The following MACF1 variants were observed in gnomAD, a reference collection of about 807,000 sequenced individuals.
MACF1 encodes the protein microtubule-actin cross-linking factor 1.
Under a neutral mutation model 854.8 loss-of-function variants are expected in MACF1, and 193 were observed. That is an observed-to-expected ratio of 0.23 (90% confidence interval 0.20 to 0.25). The LOEUF is 0.25. Among genes scored for constraint, MACF1 ranks in the 10% least tolerant of loss-of-function variants. MACF1 has a pLI of 1.00. For missense variants in MACF1, 7,722 were observed against 8,929.1 expected, an observed-to-expected ratio of 0.86 and a Z score of 5.45; for synonymous variants, 3,185 against 3,226.7, an observed-to-expected ratio of 0.99 and a Z score of 0.44.
chr1:39,199,321 T>C (rs1012131216), intron 2 of MACF1, among the ~76,000 whole-genome samples: 3 of 150,840 alleles, frequency 2.0e-5, no homozygotes, highest in African/African-American at 4.9e-5. Flanking sequence ...GGATAAAATA[T>C]ATTTATTTGG....
At chr1:39,464,769 C>A in intron 94 of MACF1, 1 of 279,586 alleles carries the variant, frequency 3.6e-6, no homozygotes, top group Non-Finnish European at 7.0e-6. Flanking sequence ...CAAAAATTAG[C>A]TGGGCTTGGT....
chr1:39,234,950 C>T (rs1334658495), intron 2 of MACF1, among the ~76,000 whole-genome samples: 1 of 151,478 alleles, frequency 6.6e-6, no homozygotes, highest in Non-Finnish European at 1.5e-5. Flanking sequence ...GATGTGATGG[C>T]GGCAGGGAAG....
rs540624260 is a variant in MACF1 at position 39,318,622 on chromosome 1, G to A, written c.3945+7G>A. 6.2e-7 allele frequency: 1 copy of A among 1,604,142 alleles called. No homozygotes were observed. The highest frequency in any genetic ancestry group is 1.3e-5 in the African/African-American group (1 of 74,642). The stretch of plus-strand genomic sequence containing the variant: ...GCAGCTCAGCCAGCAGACGGTGAGT[G>A]TGGTAGTAGCTCTGGCGAGAAGAGT... On this transcript the variant is annotated splice_region_variant and intron_variant, in intron 30 of 100. Transcript: ENST00000564288.
At chr1:39,407,671 T>C (rs979570221) in intron 58 of MACF1, among the ~76,000 whole-genome samples, 11 of 152,206 alleles carry the variant, frequency 7.2e-5, no homozygotes, top group African/African-American at 2.7e-4. Flanking sequence ...CTTCTCATTT[T>C]TGCCAAGGAC....
intron 58 of MACF1, among the ~76,000 whole-genome samples, chr1:39,398,838 C>T (rs548880720): frequency 6.6e-6 from 1 of 152,328 alleles, no homozygotes; most frequent in Non-Finnish European, 1.5e-5. Context: ...AATCAATCAG[C>T]TGTGTATCTC....
chr1:39,347,030 T>C lies in MACF1; in HGVS notation c.10635T>C (p.Phe3545=). 6.2e-7 allele frequency: 1 copy of C among 1,614,154 alleles called. No individual in the cohort carries two copies. The highest frequency in any genetic ancestry group is 8.5e-7 in the Non-Finnish European group (1 of 1,180,000). ...AAGCTCAGCTGGATGCTCTTGCTTT[T>C]GATATTCAGTTCTTTATCTCAGAAC... ...ERKAQLDALA[F]DIQFFISEHA... The change falls in exon 41 of 101, where the codon TTT becomes TTC. Residue 3545 remains phenylalanine (F), a synonymous_variant. Coordinates refer to ENST00000564288, the MANE Select transcript of MACF1 (RefSeq NM_001394062.1).
chr1:39,303,811 G>T (rs1646104466), intron 23 of MACF1, among the ~76,000 whole-genome samples: 2 of 151,400 alleles, frequency 1.3e-5, no homozygotes, highest in South Asian at 2.1e-4. Context: ...GGTCGAGTTT[G>T]CAGTGAGTCG....
intron 1 of MACF1, among the ~76,000 whole-genome samples, chr1:39,224,822 G>A (rs1272754511): frequency 6.6e-6 from 1 of 152,188 alleles, no homozygotes; most frequent in Non-Finnish European, 1.5e-5. Context: ...AATTAGGATA[G>A]GTATTGATAG....
intron 1 of MACF1, among the ~76,000 whole-genome samples, chr1:39,214,408 C>G (rs534019815): frequency 6.6e-6 from 1 of 152,290 alleles, no homozygotes; most frequent in East Asian, 1.9e-4. Flanking sequence ...GTTGGACAAA[C>G]AAGCAGGCAG....
intron 2 of MACF1, among the ~76,000 whole-genome samples, chr1:39,148,767 A>G (rs1357635504): frequency 6.6e-6 from 1 of 152,216 alleles, no homozygotes; most frequent in Non-Finnish European, 1.5e-5. Context: ...ACATGTATAT[A>G]TTTGCACACT....
intron 2 of MACF1, among the ~76,000 whole-genome samples, chr1:39,147,940 C>T (rs1643502362): frequency 6.6e-6 from 1 of 152,100 alleles, no homozygotes; most frequent in South Asian, 2.1e-4. Flanking sequence ...TCAGTTTCAC[C>T]CCTTGTTTAT....
chr1:39,397,422 C>T (rs1336597072), intron 58 of MACF1, among the ~76,000 whole-genome samples: 3 of 151,976 alleles, frequency 2.0e-5, no homozygotes, highest in African/African-American at 4.8e-5. Context: ...ATTAGCCGGG[C>T]GTGGTGGCGA....
chr1:39,349,506 A>G lies in MACF1; in HGVS notation c.10844A>G (p.His3615Arg). The G allele has an allele frequency of 6.2e-7, 1 of 1,614,006 alleles. No individual in the cohort carries two copies. The highest frequency in any genetic ancestry group is 2.2e-5 in the East Asian group (1 of 44,882). The change falls in exon 42 of 101, where the codon CAC becomes CGC. Residue 3615 changes from histidine to arginine, a missense_variant. This residue lies in a region of MACF1 where 2,807 missense variants were observed against 3,235.8 expected (regional missense o/e 0.87). Transcript: ENST00000564288. ...CTGCAGAAACAACAAAATACCTGTC[A>G]CCAGCAACTGGAGGATCTTTGCAGT... ...KTLQKQQNTC[H>R]QQLEDLCSWV... is the part of the protein sequence containing the mutation.
chr1:39,143,963 C>T (rs1036795993), intron 2 of MACF1, among the ~76,000 whole-genome samples: 1 of 151,388 alleles, frequency 6.6e-6, no homozygotes, highest in African/African-American at 2.4e-5. Context: ...AATTTTTTTT[C>T]ATTTTTAGTA....
intron 6 of MACF1, among the ~76,000 whole-genome samples, chr1:39,260,858 G>T (rs1645155751): frequency 1.3e-5 from 2 of 151,542 alleles, no homozygotes; most frequent in South Asian, 4.2e-4. Flanking sequence ...TGAAAATCTT[G>T]ATCTTAACAA....
chr1:39,239,308 CAAACAAAA>C (rs1460982414), intron 2 of MACF1, among the ~76,000 whole-genome samples: 1 of 150,344 alleles, frequency 6.7e-6, no homozygotes, highest in African/African-American at 2.5e-5. Context: ...AACAAACAAA[CAAACAAAA>C]AACACCACAA....
At position 39,334,126 on chromosome 1, in the gene MACF1, G is replaced by C. The variant is rs1431604187; in HGVS notation, c.7538G>C (p.Gly2513Ala). 1.2e-6 allele frequency: 2 copies of C among 1,614,088 alleles called. No homozygotes were observed. The highest frequency in any genetic ancestry group is 3.3e-5 in the Admixed American group (2 of 60,012). Residue 2513 changes from glycine to alanine, a missense_variant, in exon 37 of 101, where the codon GGG becomes GCG. Gly to Ala is a moderately conservative substitution (Grantham distance 60). Coordinates refer to ENST00000564288, the MANE Select transcript of MACF1 (RefSeq NM_001394062.1). ...VDGGIIHHIS[G>A]MRLSVDNAFR... is the part of the protein sequence containing the mutation. The stretch of plus-strand genomic sequence containing the variant: ...GGAGGTATCATTCACCATATATCTG[G>C]GATGAGACTTTCTGTTGATAATGCC...
rs1279412053 is a variant in MACF1 at position 39,223,602 on chromosome 1, C to T, written c.110-7580C>T. Among the ~76,000 whole-genome samples the T allele has an allele frequency of 2.0e-5, 3 of 151,880 alleles. No homozygotes were observed. The East Asian group carries it at 5.8e-4, about 29-fold the overall frequency. ...CCATCTTGGCTCACTGTGACCTCCG[C>T]CTCCTGGGTTCAAGTGATCCTCGTG... On this transcript the variant is annotated intron_variant, in intron 1 of 100. Transcript: ENST00000564288.
chr1:39,314,548 T>C lies in MACF1; in HGVS notation c.3271-965T>C, dbSNP rs866838570. 9.3e-4 allele frequency among the ~76,000 whole-genome samples: 117 copies of C among 126,422 alleles called. 1 individual carries two copies. The highest frequency in any genetic ancestry group is 3.1e-3 in the African/African-American group (105 of 34,072). 82.9% of individuals were successfully genotyped at this position (126,422 alleles called of 152,430 possible). A position where few individuals can be genotyped will look rare whatever the true frequency, so the allele number is the denominator to read the frequency against. On this transcript the variant is annotated intron_variant, in intron 26 of 100. Transcript: ENST00000564288. Reference sequence around the variant, plus strand: ...TATTTATTGATCTCTCAATTTCTCTTTCTCTCTCTCTCTCTCTCTCTCACA... The same window carrying C: ...TATTTATTGATCTCTCAATTTCTCTCTCTCTCTCTCTCTCTCTCTCTCACA...
Sources: gnomAD v4.1 joint callset for allele counts (sites outside exome capture counted in the v4.1 genomes callset) on GRCh38, gnomAD v4.1.1 for gene constraint, gnomAD v4.1.1 regional missense constraint, MANE v1.5 for transcripts, NCBI Gene and HGNC (gene_info 2026-07-23, HGNC 2026-07-21) for gene names.